LRRC27: variants seen among roughly 807,000 people sequenced by gnomAD.
LRRC27 encodes the protein leucine-rich repeat-containing protein 27.
LRRC27 carries 57 observed loss-of-function variants against 55.0 expected under a neutral mutation model. The observed-to-expected ratio is 1.04, with a 90% CI of 0.84 to 1.29. The LOEUF (loss-of-function observed/expected upper bound fraction) is 1.29. Among genes scored for constraint, LRRC27 ranks in the 50% most tolerant of loss-of-function variants. The pLI, the probability that LRRC27 is intolerant of heterozygous loss-of-function variation, is 0.00. For missense variants in LRRC27, 721 were observed against 651.5 expected (o/e 1.11, Z -1.16); for synonymous variants, 278 against 251.9 (o/e 1.10, Z -0.98).
chr10:132,363,803 TGGAGGAA>T (rs2068764883), intron 9 of LRRC27, among the ~76,000 whole-genome samples: 1 of 152,070 alleles, frequency 6.6e-6, no homozygotes, highest in Admixed American at 6.6e-5. Context: ...GTAAGAAACC[TGGAGGAA>T]GGGTGAGGTG....
chr10:132,375,025 G>T, intron 10 of LRRC27, 41 bp from the exon 11 acceptor site: 1 of 1,579,486 alleles, frequency 6.3e-7, no homozygotes, highest in Non-Finnish European at 8.6e-7. Context: ...CCTAAGTCCT[G>T]CCAGCCTTTC....
intron 7 of LRRC27, among the ~76,000 whole-genome samples, chr10:132,354,007 C>T (rs1278913382): frequency 1.3e-5 from 2 of 152,222 alleles, no homozygotes; most frequent in Non-Finnish European, 1.5e-5. Context: ...CCTCAGGTAT[C>T]ACCTGCCCTG....
At chr10:132,364,389 C>T (rs967833646) in intron 9 of LRRC27, among the ~76,000 whole-genome samples, 1 of 116,130 alleles carries the variant, frequency 8.6e-6, no homozygotes, top group African/African-American at 3.3e-5. Context: ...ACACTTACAC[C>T]CACCCTTACA....
chr10:132,370,862 A>T (rs1473273639), intron 10 of LRRC27, among the ~76,000 whole-genome samples: 1 of 152,236 alleles, frequency 6.6e-6, no homozygotes, highest in Admixed American at 6.5e-5. Flanking sequence ...ACCTATTTGT[A>T]TAATCCTGGT....
upstream of LRRC27, among the ~76,000 whole-genome samples, chr10:132,331,187 C>G (rs951340578): frequency 1.0e-5 from 1 of 100,132 alleles, no homozygotes; most frequent in African/African-American, 4.3e-5. Context: ...GGAGACAAAG[C>G]AAGACTCCAC....
chr10:132,352,875 TCC>T, intron 7 of LRRC27: 1 of 1,613,874 alleles, frequency 6.2e-7, no homozygotes. Flanking sequence ...TTCTTGTTCT[TCC>T]TCAGTCCTTT....
chr10:132,340,541 G>C (rs1189926412), intron 3 of LRRC27, among the ~76,000 whole-genome samples: 6 of 152,164 alleles, frequency 3.9e-5, no homozygotes, highest in Admixed American at 1.3e-4. Flanking sequence ...TGCTGTTCTT[G>C]TTGGCTGGTT....
chr10:132,363,983 G>C (rs2068776297), intron 9 of LRRC27, among the ~76,000 whole-genome samples: 1 of 152,100 alleles, frequency 6.6e-6, no homozygotes, highest in South Asian at 2.1e-4. Flanking sequence ...TCAAACATTT[G>C]AATGTTCTCT....
At chr10:132,365,357 T>A (rs2069018655) in intron 9 of LRRC27, 67 bp from the exon 10 acceptor site, 1 of 1,580,248 alleles carries the variant, frequency 6.3e-7, no homozygotes, top group Non-Finnish European at 8.6e-7. Flanking sequence ...TCCCTGGTTA[T>A]GGCGGGAGTT....
intron 4 of LRRC27, among the ~76,000 whole-genome samples, chr10:132,343,069 G>A (rs535669440): frequency 2.4e-4 from 36 of 152,252 alleles, no homozygotes; most frequent in Non-Finnish European, 5.1e-4. Flanking sequence ...GCACCTTGGG[G>A]CGCCAAGGCA....
At chr10:132,365,293 T>C (rs2069013910) in intron 9 of LRRC27, 131 bp from the exon 10 acceptor site, 2 of 1,235,608 alleles carry the variant, frequency 1.6e-6, no homozygotes, top group Admixed American at 3.5e-5. Flanking sequence ...CTGGCACAGC[T>C]GTGCGGGAGC....
intron 3 of LRRC27, among the ~76,000 whole-genome samples, chr10:132,338,544 T>G (rs2067236630): frequency 6.6e-6 from 1 of 151,976 alleles, no homozygotes; most frequent in Non-Finnish European, 1.5e-5. Flanking sequence ...CACACCTCCT[T>G]TCCCCTCCTC....
At position 132,380,531 on chromosome 10, in the gene LRRC27, C is replaced by A. The variant is rs572177155; in HGVS notation, c.*5289C>A. ...TGTTTTAACTGGACATGGTGGCACA[C>A]GCCTGCAGTCCCAGCTACTCAGGAG... On this transcript the variant is annotated 3_prime_UTR_variant, in exon 11 of 11. Transcript: ENST00000368614. 2.6e-5 allele frequency among the ~76,000 whole-genome samples: 4 copies of A among 151,794 alleles called. No individual in the cohort carries two copies. The East Asian group carries it at 7.8e-4, about 30-fold the overall frequency.
upstream of LRRC27, chr10:132,330,457 G>A (rs1313515394): frequency 1.4e-6 from 1 of 717,206 alleles, no homozygotes; most frequent in East Asian, 2.7e-5. Context: ...CCACGCTCCT[G>A]AGAAGGTACT....
rs1260552984 is a variant in LRRC27, at chr10:132,377,579, C to CT, written c.*2339dup. The CT allele has an allele frequency of 6.6e-6, 1 of 152,190 alleles. No individual in the cohort carries two copies. Among genetic ancestry groups the CT allele is most frequent in the Non-Finnish European group, 1.5e-5 (1 of 68,042 alleles). 9.4% of individuals were successfully genotyped at this position (152,190 alleles called of 1,614,324 possible). Reference sequence around the variant, plus strand: ...CAGGTACCGTGTGCCCCAACGGTGTCTTGACTCGCTGTTCCTAGACATCAG... The same window carrying CT: ...CAGGTACCGTGTGCCCCAACGGTGTCTTTGACTCGCTGTTCCTAGACATCAG... On this transcript the variant is annotated 3_prime_UTR_variant, in exon 11 of 11. Transcript: ENST00000368614.
In LRRC27 at chr10:132,379,147, C is replaced by T. The variant is rs112984343; in HGVS notation, c.*3905C>T. The stretch of plus-strand genomic sequence containing the variant: ...TCCTCTCCAGCATTTCCTCTCACCT[C>T]CGTGTTCTCGGGGAGTGCGTGGTGT... On this transcript the variant is annotated 3_prime_UTR_variant, in exon 11 of 11. Transcript: ENST00000368614. 6.6e-6 allele frequency: 1 copy of T among 152,448 alleles called. No individual in the cohort carries two copies. Among genetic ancestry groups the T allele is most frequent in the African/African-American group, 2.5e-5 (1 of 40,204 alleles). 9.4% of individuals were successfully genotyped at this position (152,448 alleles called of 1,614,324 possible).
upstream of LRRC27, among the ~76,000 whole-genome samples, chr10:132,330,933 T>A (rs1478913636): frequency 4.0e-5 from 6 of 151,314 alleles, no homozygotes; most frequent in Non-Finnish European, 8.8e-5. Context: ...CCGGGCACGG[T>A]GGCTCATGCC....
chr10:132,334,742 C>T (rs900937508), intron 2 of LRRC27, among the ~76,000 whole-genome samples: 1 of 152,180 alleles, frequency 6.6e-6, no homozygotes, highest in South Asian at 2.1e-4. Flanking sequence ...ACAGGTGTCA[C>T]TTTTAATGAA....
chr10:132,343,301 C>T (rs1015901115), intron 4 of LRRC27, among the ~76,000 whole-genome samples: 12 of 151,972 alleles, frequency 7.9e-5, no homozygotes, highest in African/African-American at 2.2e-4. Context: ...GACAACAGGG[C>T]GAGACCCTCT....
Sources: allele counts gnomAD v4.1 joint callset (sites outside exome capture counted in the v4.1 genomes callset), GRCh38; gene constraint gnomAD v4.1.1; transcripts MANE v1.5; gene names NCBI Gene and HGNC (gene_info 2026-07-23, HGNC 2026-07-21).